Variants in HEATR5B observed in about 807,000 individuals in gnomAD.
HEATR5B encodes the protein HEAT repeat-containing protein 5B.
Under a neutral mutation model 224.1 loss-of-function variants are expected in HEATR5B, and 156 were observed. That is an observed-to-expected ratio of 0.70 (90% CI 0.61 to 0.80). The LOEUF is 0.80. HEATR5B is among the 30% of genes least tolerant of loss of function. The pLI is 0.00. For missense variants in HEATR5B, 2,323 were observed against 2,535.5 expected, an observed-to-expected ratio of 0.92 and a Z score of 1.80; for synonymous variants, 1,027 against 893.0, an observed-to-expected ratio of 1.15 and a Z score of -2.68.
chr2:37,025,943 C>T (rs1388679191), intron 24 of HEATR5B, among the ~76,000 whole-genome samples: 3 of 152,140 alleles, frequency 2.0e-5, no homozygotes, highest in Non-Finnish European at 4.4e-5. Context: ...AGAATATTAG[C>T]ACCCCAAAAT....
At position 37,002,298 on chromosome 2, in the gene HEATR5B, T is replaced by C; in HGVS notation, c.5317+8A>G. The stretch of plus-strand genomic sequence containing the variant: ...TAATGCATTTCCAAATACTGATCAA[T>C]ACCGTACCAGCGGGTGAACAAAGGG... On this transcript the variant is annotated splice_region_variant and intron_variant, in intron 32 of 35. Coordinates refer to ENST00000233099, the MANE Select transcript of HEATR5B (RefSeq NM_019024.3). The C allele has an allele frequency of 1.9e-6, 3 of 1,614,062 alleles. No individual in the cohort carries two copies. Among genetic ancestry groups the C allele is most frequent in the Non-Finnish European group, 2.5e-6 (3 of 1,179,906 alleles).
Position 37,062,030 on chromosome 2 carries a change from T to C in HEATR5B, c.1605A>G (p.Glu535=), listed in dbSNP as rs779605873. Residue 535 remains glutamate, a synonymous_variant, in exon 11 of 36, where the codon GAA becomes GAG. Transcript: ENST00000233099. The part of the protein sequence containing the change: ...AKGKMVVSIA[E]DLLRTAAQNS... ...TTTGGGCAGCAGTTCGTAAAAGATC[T>C]TCAGCAATACTAACTACCATCTGCA... 6.2e-7 allele frequency: 1 copy of C among 1,610,754 alleles called. No individual in the cohort carries two copies.
At chr2:37,059,915 T>G (rs1671173390) in intron 12 of HEATR5B, among the ~76,000 whole-genome samples, 1 of 152,118 alleles carries the variant, frequency 6.6e-6, no homozygotes, top group African/African-American at 2.4e-5. Flanking sequence ...AGAGTAAAGG[T>G]GCCCCCTTGC....
At chr2:36,992,755 TC>T (rs748182565) in intron 33 of HEATR5B, among the ~76,000 whole-genome samples, 42 of 152,088 alleles carry the variant, frequency 2.8e-4, no homozygotes, top group Admixed American at 5.2e-4. Flanking sequence ...TTTTCTTTTT[TC>T]CCCCCAAGGA....
At chr2:37,026,930 C>T (rs568886624) in intron 24 of HEATR5B, among the ~76,000 whole-genome samples, 1 of 152,314 alleles carries the variant, frequency 6.6e-6, no homozygotes, top group South Asian at 2.1e-4. Flanking sequence ...TCCTGAGTAG[C>T]TGGGACTACA....
chr2:37,061,916 A>C (rs372366261), intron 11 of HEATR5B, 23 bp downstream of exon 11: 66 of 1,446,606 alleles, frequency 4.6e-5, no homozygotes, highest in Non-Finnish European at 6.2e-5. Flanking sequence ...CGTGACAAAA[A>C]TCCTACTCAA....
At position 37,028,844 on chromosome 2, in the gene HEATR5B, T is replaced by G. The variant is rs763901341; in HGVS notation, c.3438A>C (p.Glu1146Asp). 1.5e-5 allele frequency: 25 copies of G among 1,614,004 alleles called. No individual in the cohort carries two copies. The Middle Eastern group carries it at 9.9e-4, about 64-fold the overall frequency. The change falls in exon 23 of 36, where the codon GAA becomes GAC. Residue 1146 changes from glutamate (E) to aspartate (D), a missense_variant. Coordinates refer to ENST00000233099, the MANE Select transcript of HEATR5B (RefSeq NM_019024.3). The stretch of plus-strand genomic sequence containing the variant: ...CAAAAAGAAGTCCCTCAAGACCAGT[T>G]TCTGTTATATTAACACCTTGGTGCC... The part of the protein sequence containing the change: ...HCRHQGVNIT[E>D]TGLEGLLFGM...
At chr2:36,999,670 C>T (rs962610746) in intron 33 of HEATR5B, among the ~76,000 whole-genome samples, 1 of 150,806 alleles carries the variant, frequency 6.6e-6, no homozygotes, top group African/African-American at 2.4e-5. Flanking sequence ...CACAGTGAGA[C>T]CCTGTCTCAA....
chr2:36,988,977 T>A, intron 34 of HEATR5B, 118 bp from the exon 35 acceptor site: 1 of 691,834 alleles, frequency 1.4e-6, no homozygotes, highest in South Asian at 2.0e-5. Flanking sequence ...AAATGGAAAT[T>A]ACATTTTCTA....
At chr2:37,006,263 A>G (rs1277567889) in intron 29 of HEATR5B, among the ~76,000 whole-genome samples, 1 of 152,228 alleles carries the variant, frequency 6.6e-6, no homozygotes, top group Non-Finnish European at 1.5e-5. Context: ...GATGAATCCG[A>G]TAATTACACC....
Position 37,057,495 on chromosome 2 carries a change from T to A in HEATR5B, c.2060-15A>T, listed in dbSNP as rs1465670267. 6.4e-7 allele frequency: 1 copy of A among 1,573,436 alleles called. No individual in the cohort carries two copies. Among genetic ancestry groups the A allele is most frequent in the East Asian group, 2.3e-5 (1 of 43,654 alleles). ...ATTAAAAGATCCTAAAAAACAGAAC[T>A]TCAGATCAGATTAAAAAGAATAATT... On this transcript the variant is annotated splice_polypyrimidine_tract_variant and intron_variant, in intron 14 of 35. Transcript: ENST00000233099.
At chr2:37,032,298 C>T (rs1669182445) in intron 22 of HEATR5B, among the ~76,000 whole-genome samples, 1 of 152,116 alleles carries the variant, frequency 6.6e-6, no homozygotes, top group African/African-American at 2.4e-5. Context: ...CATGGTCTTA[C>T]TCCACCACCC....
intron 27 of HEATR5B, among the ~76,000 whole-genome samples, chr2:37,011,479 T>C (rs1161886031): frequency 6.6e-6 from 1 of 152,234 alleles, no homozygotes; most frequent in Non-Finnish European, 1.5e-5. Flanking sequence ...TTAATAATTA[T>C]GCTATAAAAA....
chr2:36,986,870 G>A (rs1433886763), intron 35 of HEATR5B, among the ~76,000 whole-genome samples: 2 of 152,066 alleles, frequency 1.3e-5, no homozygotes, highest in South Asian at 4.1e-4. Flanking sequence ...GCCTGCCTTG[G>A]CCTCCCAAAG....
chr2:37,058,513 G>A lies in HEATR5B; in HGVS notation c.1997C>T (p.Ala666Val), dbSNP rs749579528. Residue 666 changes from alanine to valine, a missense_variant, in exon 14 of 36, where the codon GCT becomes GTT. Coordinates refer to ENST00000233099, the MANE Select transcript of HEATR5B (RefSeq NM_019024.3). ...ATAAAGTCTTAAACGGACCATTGCA[G>A]CACTAGCTTTCAGATGAGCTCCATG... ...KAHGAHLKAS[A>V]AMVRLRLYDI... 2.5e-6 allele frequency: 4 copies of A among 1,613,188 alleles called. No homozygotes were observed. Among genetic ancestry groups the A allele is most frequent in the Non-Finnish European group, 3.4e-6 (4 of 1,179,306 alleles).
intron 5 of HEATR5B, among the ~76,000 whole-genome samples, chr2:37,074,141 G>A (rs540703781): frequency 2.0e-5 from 3 of 152,164 alleles, no homozygotes; most frequent in East Asian, 1.9e-4. Flanking sequence ...CTAACACGGT[G>A]AAACCCCATC....
Position 37,003,430 on chromosome 2 carries a change from T to G in HEATR5B, c.5050+112A>C, listed in dbSNP as rs147120403. ...CAGCTTGGGTGACCGAATGAGACCC[T>G]GCCTCTAAAAAATAAAATAAGAACT... On this transcript the variant is annotated intron_variant, in intron 31 of 35. Transcript: ENST00000233099. 6.2e-3 allele frequency: 4,689 copies of G among 752,146 alleles called. 24 individuals carry two copies. Among genetic ancestry groups the G allele is most frequent in the Non-Finnish European group, 8.3e-3 (4,051 of 487,892 alleles). 46.6% of individuals were successfully genotyped at this position (752,146 alleles called of 1,614,324 possible). A position where few individuals can be genotyped will look rare whatever the true frequency, so the allele number is the denominator to read the frequency against.
chr2:37,058,451 C>A lies in HEATR5B; in HGVS notation c.2059G>T (p.Gly687Ter). 1 of 1,579,330 alleles carries A rather than the reference C, an allele frequency of 6.3e-7. No homozygotes were observed. The highest frequency in any genetic ancestry group is 8.7e-7 in the Non-Finnish European group (1 of 1,149,692). The change falls in exon 14 of 36, where the codon GGA becomes TGA. Residue 687 changes from glycine to a stop codon, truncating the protein, a stop_gained and splice_region_variant. Coordinates refer to ENST00000233099, the MANE Select transcript of HEATR5B (RefSeq NM_019024.3). LOFTEE classifies it high-confidence loss of function. ...CAGATACCACAAATTTTTAATTTAC[C>A]TTCATAAGTTTTTGGAGGTAACAAA... ...LALLPPKTYE[G>*]SFNALLRELV...
intron 22 of HEATR5B, among the ~76,000 whole-genome samples, chr2:37,029,796 G>A (rs1020427045): frequency 3.3e-5 from 5 of 151,934 alleles, no homozygotes; most frequent in African/African-American, 4.8e-5. Context: ...AAAATTAGCC[G>A]GGTGCAGTGG....
Sources: allele counts gnomAD v4.1 joint callset (sites outside exome capture counted in the v4.1 genomes callset), GRCh38; gene constraint gnomAD v4.1.1; transcripts MANE v1.5; gene names NCBI Gene and HGNC (gene_info 2026-07-23, HGNC 2026-07-21).